Variants in ADAM12 observed in about 807,000 individuals in gnomAD.
The protein encoded by ADAM12 is disintegrin and metalloproteinase domain-containing protein 12.
A neutral mutation model predicts 106.4 loss-of-function variants in ADAM12; 70 were observed. That is an observed-to-expected ratio of 0.66 (90% confidence interval 0.54 to 0.80). The LOEUF (loss-of-function observed/expected upper bound fraction) is 0.80, where lower values mean the gene tolerates loss of function less well. Ranked by LOEUF, ADAM12 falls within the 30% of genes least tolerant of loss-of-function variation. The pLI is 0.00. For missense variants in ADAM12, 1,010 were observed against 1,171.9 expected, an observed-to-expected ratio of 0.86 and a Z score of 2.02; for synonymous variants, 420 against 433.5, an observed-to-expected ratio of 0.97 and a Z score of 0.39.
intron 21 of ADAM12, 45 bp from the exon 22 acceptor site, chr10:126,019,870 G>C: frequency 6.4e-7 from 1 of 1,562,204 alleles, no homozygotes; most frequent in Non-Finnish European, 8.7e-7. Context: ...CCAGGAGCCA[G>C]CAGAGGCCCC....
At chr10:126,081,157 A>G (rs1955206313) in intron 11 of ADAM12, among the ~76,000 whole-genome samples, 1 of 152,112 alleles carries the variant, frequency 6.6e-6, no homozygotes, top group Non-Finnish European at 1.5e-5. Context: ...ATTAATAAAC[A>G]CGCACTGAGT....
Position 126,388,010 on chromosome 10 carries a change from G to T in ADAM12, c.88+48C>A. ...TCGGCGCGCCCAGGCGCAGCGTGCG[G>T]TGCCCTCGGCGGGGCGGGCAGCGAG... On this transcript the variant is annotated intron_variant, in intron 1 of 22. Transcript: ENST00000448723. This position sits in a 1 kb window ranked among gnomAD's most constrained non-coding sequence, Gnocchi z 4.4. The T allele has an allele frequency of 8.4e-7, 1 of 1,194,518 alleles. No homozygotes were observed. Among genetic ancestry groups the T allele is most frequent in the Non-Finnish European group, 1.0e-6 (1 of 963,794 alleles). 74.0% of individuals were successfully genotyped at this position (1,194,518 alleles called of 1,614,324 possible).
intron 3 of ADAM12, among the ~76,000 whole-genome samples, chr10:126,161,442 C>T (rs867331359): frequency 8.5e-5 from 13 of 152,312 alleles, no homozygotes; most frequent in South Asian, 4.1e-4. Flanking sequence ...CACTGTGTGG[C>T]GCTACCAGAC....
At chr10:126,191,825 G>T (rs913027018) in intron 3 of ADAM12, among the ~76,000 whole-genome samples, 1 of 152,138 alleles carries the variant, frequency 6.6e-6, no homozygotes, top group African/African-American at 2.4e-5. Context: ...CCTGAGACTG[G>T]ATAATTTATA....
chr10:126,296,570 C>T (rs1960389938), intron 2 of ADAM12, among the ~76,000 whole-genome samples: 1 of 152,216 alleles, frequency 6.6e-6, no homozygotes, highest in Admixed American at 6.5e-5. Flanking sequence ...CACGTGGTTA[C>T]AGACCAGCCT....
rs79370604 is a variant in ADAM12 at position 126,141,645 on chromosome 10, C to T, written c.340-5985G>A. ...TGAAAATTGGTAGCCCTCAACTCTA[C>T]GCCATGTGGGAAGTAAAATCAAACG... On this transcript the variant is annotated intron_variant, in intron 4 of 22. Coordinates refer to ENST00000448723, the MANE Select transcript of ADAM12 (RefSeq NM_001288973.2). Among the ~76,000 whole-genome samples, 48 of 152,228 alleles carry T rather than the reference C, an allele frequency of 3.2e-4. No homozygotes were observed. In the East Asian group the frequency reaches 7.5e-3, roughly 24 times the overall value.
At chr10:126,207,218 G>A (rs993591587) in intron 3 of ADAM12, among the ~76,000 whole-genome samples, 1 of 152,150 alleles carries the variant, frequency 6.6e-6, no homozygotes, top group Admixed American at 6.5e-5. Context: ...AGATGAGAAA[G>A]CTTGGGGGAA....
At chr10:126,021,246 T>C (rs1466583014) in intron 21 of ADAM12, among the ~76,000 whole-genome samples, 1 of 152,174 alleles carries the variant, frequency 6.6e-6, no homozygotes, top group Non-Finnish European at 1.5e-5. Context: ...ACACCCCTAA[T>C]AACCAAGTGC....
chr10:126,281,715 T>G (rs754733405), intron 2 of ADAM12, among the ~76,000 whole-genome samples: 3 of 152,326 alleles, frequency 2.0e-5, no homozygotes, highest in East Asian at 3.9e-4. Context: ...ACCGGTAAAA[T>G]ACGGCATTCC....
chr10:126,384,567 G>C (rs550009789), intron 1 of ADAM12, among the ~76,000 whole-genome samples: 2 of 152,168 alleles, frequency 1.3e-5, no homozygotes, highest in East Asian at 3.9e-4. Context: ...AGGAGGATGA[G>C]GGGCTCTAGG....
intron 3 of ADAM12, among the ~76,000 whole-genome samples, chr10:126,160,807 T>C (rs1376061848): frequency 6.6e-6 from 1 of 152,216 alleles, no homozygotes; most frequent in Admixed American, 6.5e-5. Context: ...CTGTGCTCAC[T>C]TTTCCCTCTA....
At chr10:126,312,882 C>T (rs1249222702) in intron 2 of ADAM12, among the ~76,000 whole-genome samples, 2 of 152,126 alleles carry the variant, frequency 1.3e-5, no homozygotes, top group African/African-American at 2.4e-5. Flanking sequence ...AGCCACATCG[C>T]CAAAGCTAAC....
At chr10:126,124,991 T>C (rs1003691024) in intron 5 of ADAM12, among the ~76,000 whole-genome samples, 2 of 151,846 alleles carry the variant, frequency 1.3e-5, no homozygotes, top group East Asian at 1.9e-4. Flanking sequence ...AAAGATTCCC[T>C]GAGTCAGGCT....
At chr10:126,118,868 T>G (rs1169299339) in intron 5 of ADAM12, among the ~76,000 whole-genome samples, 1 of 152,194 alleles carries the variant, frequency 6.6e-6, no homozygotes, top group African/African-American at 2.4e-5. Context: ...CCATATTTGT[T>G]TTTCAATTCC....
intron 4 of ADAM12, among the ~76,000 whole-genome samples, chr10:126,139,770 C>T (rs531059823): frequency 3.3e-5 from 5 of 152,266 alleles, no homozygotes; most frequent in East Asian, 1.9e-4. Context: ...TCAATAAGCA[C>T]GTGGCTTAGG....
chr10:126,138,346 T>C (rs144990739), intron 4 of ADAM12, among the ~76,000 whole-genome samples: 183 of 152,170 alleles, frequency 1.2e-3, no homozygotes, highest in African/African-American at 4.2e-3. Flanking sequence ...ATTTTATGGG[T>C]TGTCCTTTTA....
intron 1 of ADAM12, among the ~76,000 whole-genome samples, chr10:126,370,925 T>A (rs183864294): frequency 3.3e-5 from 5 of 152,318 alleles, no homozygotes; most frequent in Admixed American, 3.3e-4. Flanking sequence ...CTAAGGGCCA[T>A]AGGGATATTT....
chr10:126,350,320 A>G (rs1163988083), intron 1 of ADAM12, among the ~76,000 whole-genome samples: 3 of 152,210 alleles, frequency 2.0e-5, no homozygotes, highest in Non-Finnish European at 4.4e-5. Context: ...ACTTGACAGT[A>G]TCAGCATAAA....
intron 1 of ADAM12, among the ~76,000 whole-genome samples, chr10:126,350,593 T>C (rs962054068): frequency 2.0e-5 from 3 of 152,368 alleles, no homozygotes; most frequent in Middle Eastern, 3.4e-3. Context: ...TTTTCCGCAG[T>C]GACCTGCATG....
Sources: allele counts gnomAD v4.1 joint callset (sites outside exome capture counted in the v4.1 genomes callset), GRCh38; gene constraint gnomAD v4.1.1; non-coding constraint Gnocchi (gnomAD v3.1); transcripts MANE v1.5; gene names NCBI Gene and HGNC (gene_info 2026-07-23, HGNC 2026-07-21).